The following ENPP3 variants were observed in gnomAD, a reference collection of about 807,000 sequenced individuals.
ENPP3 encodes the protein ectonucleotide pyrophosphatase/phosphodiesterase family member 3.
ENPP3 carries 104 observed loss-of-function variants against 117.8 expected under a neutral mutation model. The ratio of observed to expected loss-of-function variants is 0.88; its 90% confidence interval spans 0.75 to 1.04. ENPP3 has a LOEUF of 1.04. Among genes scored for constraint, ENPP3 ranks in the 50% least tolerant of loss-of-function variants. ENPP3 has a pLI of 0.00. For synonymous variants in ENPP3, 380 were observed against 349.9 expected, an observed-to-expected ratio of 1.09 and a Z score of -0.96; for missense variants, 1,026 against 1,051.9, an observed-to-expected ratio of 0.98 and a Z score of 0.34.
intron 1 of ENPP3, among the ~76,000 whole-genome samples, chr6:131,640,167 A>G (rs1778012187): frequency 6.6e-6 from 1 of 152,216 alleles, no homozygotes; most frequent in African/African-American, 2.4e-5. Flanking sequence ...CAGCAAAAGT[A>G]CCACAGATAA....
intron 6 of ENPP3, among the ~76,000 whole-genome samples, chr6:131,667,133 T>C (rs1778634010): frequency 1.3e-5 from 2 of 150,802 alleles, no homozygotes; most frequent in South Asian, 4.2e-4. Flanking sequence ...GTCGTGGGGC[T>C]TTTTTTTTCT....
chr6:131,639,654 A>G (rs1016804745), intron 1 of ENPP3, among the ~76,000 whole-genome samples: 3 of 152,136 alleles, frequency 2.0e-5, no homozygotes, highest in Non-Finnish European at 1.5e-5. Context: ...CTGTGTTTCT[A>G]GCACTCTTTG....
intron 1 of ENPP3, among the ~76,000 whole-genome samples, chr6:131,639,368 G>A (rs983975897): frequency 2.7e-5 from 4 of 149,442 alleles, no homozygotes; most frequent in Non-Finnish European, 4.4e-5. Flanking sequence ...AGCAACTCAG[G>A]CTCCAACTTT....
chr6:131,685,994 C>A, intron 14 of ENPP3, 87 bp downstream of exon 14: 2 of 509,456 alleles, frequency 3.9e-6, no homozygotes, highest in South Asian at 2.5e-5. Flanking sequence ...TTGTATATTT[C>A]TAAATCTAAG....
intron 15 of ENPP3, among the ~76,000 whole-genome samples, chr6:131,715,152 C>T (rs1403028485): frequency 6.6e-6 from 1 of 150,854 alleles, no homozygotes; most frequent in Admixed American, 6.6e-5. Flanking sequence ...AGGCCTTGGG[C>T]AAGAGGAGAG....
At chr6:131,724,912 G>A (rs909065299) in intron 19 of ENPP3, among the ~76,000 whole-genome samples, 4 of 151,588 alleles carry the variant, frequency 2.6e-5, no homozygotes, top group African/African-American at 9.7e-5. Flanking sequence ...TCTATTAAAA[G>A]TAATGGCAAA....
chr6:131,683,014 C>A (rs368976536), intron 11 of ENPP3, 40 bp from the exon 12 acceptor site: 1 of 1,208,922 alleles, frequency 8.3e-7, no homozygotes, highest in Non-Finnish European at 1.2e-6. Context: ...CTAATTAAGA[C>A]AACTCATTAC....
chr6:131,691,549 G>T (rs953653017), intron 14 of ENPP3, among the ~76,000 whole-genome samples: 9 of 148,594 alleles, frequency 6.1e-5, no homozygotes, highest in Non-Finnish European at 1.3e-4. Context: ...AGATCATACC[G>T]CTGCACTCCA....
At chr6:131,656,731 C>T (rs1778392820) in intron 5 of ENPP3, among the ~76,000 whole-genome samples, 1 of 150,498 alleles carries the variant, frequency 6.6e-6, no homozygotes, top group African/African-American at 2.5e-5. Flanking sequence ...CAGGCCACTG[C>T]ACTCCAGCCT....
intron 20 of ENPP3, among the ~76,000 whole-genome samples, chr6:131,728,263 G>A (rs2114547031): frequency 6.6e-6 from 1 of 152,094 alleles, no homozygotes; most frequent in East Asian, 1.9e-4. Flanking sequence ...TTTCTATTTT[G>A]AAAATTCCAG....
In ENPP3 at chr6:131,676,941, A is replaced by G. The variant is rs1778881848; in HGVS notation, c.938+140A>G. The G allele has an allele frequency of 8.3e-6, 5 of 603,674 alleles. No individual in the cohort carries two copies. In the Admixed American group the frequency reaches 1.2e-4, roughly 14 times the overall value. The allele number at this position is 603,674 out of a possible 1,614,324, so 37.4% of individuals were successfully genotyped here. ...CATTGCCTTATAATGGACACTTTTC[A>G]TGAATTATTCCTGGCTGGGCAGGGG... On this transcript the variant is annotated intron_variant, in intron 10 of 24. Transcript: ENST00000357639.
intron 24 of ENPP3, among the ~76,000 whole-genome samples, chr6:131,744,900 A>T (rs1317186941): frequency 6.6e-6 from 1 of 152,070 alleles, no homozygotes; most frequent in Admixed American, 6.6e-5. Context: ...GTTGGCATGG[A>T]CTAGTGCAGC....
chr6:131,725,844 A>ATAT (rs894684319), intron 19 of ENPP3, among the ~76,000 whole-genome samples: 18 of 152,032 alleles, frequency 1.2e-4, no homozygotes, highest in African/African-American at 4.3e-4. Context: ...AATAACACCA[A>ATAT]TATTATTATT....
intron 14 of ENPP3, among the ~76,000 whole-genome samples, chr6:131,686,293 C>A (rs1037043185): frequency 6.6e-6 from 1 of 152,030 alleles, no homozygotes; most frequent in Non-Finnish European, 1.5e-5. Context: ...AAAAGATAAT[C>A]TCTTTACTCA....
In ENPP3 at chr6:131,734,516, A is replaced by C. The variant is rs191640800; in HGVS notation, c.2089+793A>C. ...TAGCGTTATCAATTTAAAACTCCTG[A>C]GTTAGGATAAATTAACTGATAAATT... On this transcript the variant is annotated intron_variant, in intron 21 of 24. Coordinates refer to ENST00000357639, the MANE Select transcript of ENPP3 (RefSeq NM_005021.5). Among the ~76,000 whole-genome samples, 205 of 152,292 alleles carry C rather than the reference A, an allele frequency of 1.3e-3. 1 individual carries two copies. The highest frequency in any genetic ancestry group is 4.8e-3 in the African/African-American group (199 of 41,558).
intron 16 of ENPP3, among the ~76,000 whole-genome samples, chr6:131,719,992 G>A (rs1341673718): frequency 6.6e-6 from 1 of 152,142 alleles, no homozygotes; most frequent in African/African-American, 2.4e-5. Context: ...CCATATTGCA[G>A]AATTATGCTG....
chr6:131,658,126 C>T (rs1778423507), intron 5 of ENPP3, among the ~76,000 whole-genome samples, 197 bp from the exon 6 acceptor site: 2 of 147,080 alleles, frequency 1.4e-5, no homozygotes, highest in African/African-American at 2.5e-5. Context: ...TGCAGTCCAG[C>T]TTGGGTGACA....
chr6:131,667,785 G>A (rs934733309), intron 6 of ENPP3, among the ~76,000 whole-genome samples: 2 of 152,194 alleles, frequency 1.3e-5, no homozygotes, highest in African/African-American at 2.4e-5. Context: ...ATTGATTTAT[G>A]TGTGGCTATT....
At chr6:131,675,224 G>A (rs1233489970) in intron 9 of ENPP3, 35 bp downstream of exon 9, 1 of 1,245,224 alleles carries the variant, frequency 8.0e-7, no homozygotes. Context: ...TCCCAGCTAG[G>A]CAGAAATGAT....
Sources: allele counts gnomAD v4.1 joint callset (sites outside exome capture counted in the v4.1 genomes callset), GRCh38; gene constraint gnomAD v4.1.1; transcripts MANE v1.5; gene names NCBI Gene and HGNC (gene_info 2026-07-23, HGNC 2026-07-21).